The following FAM199X variants were observed in gnomAD, a reference collection of about 807,000 sequenced individuals.
FAM199X encodes family with sequence similarity 199, X-linked.
Under a neutral mutation model 22.9 loss-of-function variants are expected in FAM199X, and 4 were observed. That is an observed-to-expected ratio of 0.17 (90% CI 0.09 to 0.40). The LOEUF (loss-of-function observed/expected upper bound fraction) is 0.40, where lower values mean the gene tolerates loss of function less well. FAM199X is among the 10% of genes least tolerant of loss of function. FAM199X has a pLI of 1.00. For synonymous variants in FAM199X, 101 were observed against 112.3 expected, an observed-to-expected ratio of 0.90 and a Z score of 0.64; for missense variants, 183 against 306.8, an observed-to-expected ratio of 0.60 and a Z score of 3.01.
At chrX:104,176,393 G>C (rs1308414072) in intron 2 of FAM199X, among the ~76,000 whole-genome samples, 4 of 111,946 alleles carry the variant, frequency 3.6e-5, no homozygotes, top group African/African-American at 1.3e-4. Context: ...CTTATAATAA[G>C]TGCAGTTTGT....
At chrX:104,171,838 A>G (rs1292438277) in intron 1 of FAM199X, among the ~76,000 whole-genome samples, 1 of 112,219 alleles carries the variant, frequency 8.9e-6, no homozygotes, top group Non-Finnish European at 1.9e-5. Context: ...CTTTTGGACT[A>G]TTACAAATAG....
In FAM199X at chrX:104,186,259, C is replaced by G. The variant is rs376424661; in HGVS notation, c.567+44C>G. 12 of 1,166,879 alleles carry G rather than the reference C, an allele frequency of 1.0e-5. No individual in the cohort carries two copies. In the African/African-American group the frequency reaches 2.1e-4, roughly 21 times the overall value. On this transcript the variant is annotated intron_variant, in intron 3 of 5. Transcript: ENST00000493442. ...TTAATTAAAAGCTTTTATGTGGAGA[C>G]TAGGTAAAGCTCAGTTTATTGCCTG...
chrX:104,157,591 G>A, the FAM199X span, among the ~76,000 whole-genome samples: 1 of 112,174 alleles, frequency 8.9e-6, no homozygotes, highest in African/African-American at 3.2e-5. Flanking sequence ...AATTTCACAT[G>A]TGAGGAGCAC....
chrX:104,183,765 G>A (rs1028110311), intron 2 of FAM199X, among the ~76,000 whole-genome samples: 9 of 112,114 alleles, frequency 8.0e-5, no homozygotes, highest in African/African-American at 1.9e-4. Context: ...GCGCCCAGCC[G>A]TTAATGAGAT....
chrX:104,166,880 C>A lies in FAM199X; in HGVS notation c.95C>A (p.Thr32Asn). Residue 32 changes from threonine (T) to asparagine (N), a missense_variant, in exon 1 of 6, where the codon ACC becomes AAC. Thr to Asn is a moderately conservative substitution (Grantham distance 65, BLOSUM62 0). Coordinates refer to ENST00000493442, the MANE Select transcript of FAM199X (RefSeq NM_207318.4). Reference protein sequence around the residue: ...PLLGPPRGVGTCPSEEPGCLD... With the variant: ...PLLGPPRGVGNCPSEEPGCLD... ...CTGGGACCTCCTCGCGGGGTGGGCA[C>A]CTGCCCGAGCGAGGAGCCGGGCTGC... 8.3e-7 allele frequency: 1 copy of A among 1,206,013 alleles called. No homozygotes were observed.
rs368458758 is a variant in FAM199X at position 104,184,695 on chromosome X, A to G, written c.418-1371A>G. 2.7e-5 allele frequency among the ~76,000 whole-genome samples: 3 copies of G among 111,230 alleles called. No individual in the cohort carries two copies. The East Asian group carries it at 8.4e-4, about 31-fold the overall frequency. On this transcript the variant is annotated intron_variant, in intron 2 of 5. Coordinates refer to ENST00000493442, the MANE Select transcript of FAM199X (RefSeq NM_207318.4). ...CTCCTTTGTCTACACTTTGTCTTCT[A>G]TGATTTTTTTCTAATTTTTCTCTTG...
chrX:104,184,161 TAA>T (rs782664354), intron 2 of FAM199X, among the ~76,000 whole-genome samples: 1 of 112,550 alleles, frequency 8.9e-6, no homozygotes, highest in South Asian at 3.6e-4. Context: ...CTTTCCCAAG[TAA>T]AGTTTTTGTG....
chrX:104,162,421 A>G (rs1556372849), upstream of FAM199X, among the ~76,000 whole-genome samples: 2 of 112,027 alleles, frequency 1.8e-5, no homozygotes, highest in Admixed American at 1.9e-4. Context: ...ATATCACACC[A>G]TTTATTATCA....
intron 5 of FAM199X, among the ~76,000 whole-genome samples, chrX:104,188,836 A>C (rs1236811762): frequency 9.0e-6 from 1 of 110,558 alleles, no homozygotes; most frequent in Admixed American, 9.6e-5. Context: ...AAGAAGGTAT[A>C]AGTATATTTA....
chrX:104,168,810 A>C (rs782251658), intron 1 of FAM199X, among the ~76,000 whole-genome samples: 11 of 106,875 alleles, frequency 1.0e-4, no homozygotes, highest in Non-Finnish European at 2.1e-4. Context: ...GGCAGTGAGG[A>C]GGGGAGAAGG....
upstream of FAM199X, among the ~76,000 whole-genome samples, chrX:104,164,151 G>A (rs188627372): frequency 4.5e-4 from 51 of 112,667 alleles, no homozygotes; most frequent in Admixed American, 1.7e-3. Flanking sequence ...TCAGTGTAAT[G>A]TGGTATATAT....
At chrX:104,181,523 A>G (rs1165088400) in intron 2 of FAM199X, among the ~76,000 whole-genome samples, 2 of 112,113 alleles carry the variant, frequency 1.8e-5, no homozygotes, top group African/African-American at 6.5e-5. Flanking sequence ...CAATGTTTCC[A>G]TGGAAAAAAT....
chrX:104,173,116 A>G (rs1357631186), intron 1 of FAM199X, among the ~76,000 whole-genome samples: 1 of 111,133 alleles, frequency 9.0e-6, no homozygotes, highest in Non-Finnish European at 1.9e-5. Context: ...GAATACAGAC[A>G]TGCACCACCT....
upstream of FAM199X, among the ~76,000 whole-genome samples, chrX:104,165,566 ATAATAT>A (rs1273133500): frequency 2.7e-5 from 3 of 112,206 alleles, no homozygotes; most frequent in Non-Finnish European, 5.6e-5. Flanking sequence ...CTTTTATAAA[ATAATAT>A]TAGGTAGTTT....
intron 2 of FAM199X, among the ~76,000 whole-genome samples, chrX:104,180,591 C>G: frequency 9.0e-6 from 1 of 110,917 alleles, no homozygotes; most frequent in South Asian, 3.8e-4. Flanking sequence ...TCAGACCTGC[C>G]TTAGTAATGT....
chrX:104,162,140 C>T (rs1208296518), upstream of FAM199X, among the ~76,000 whole-genome samples: 2 of 111,862 alleles, frequency 1.8e-5, no homozygotes, highest in Non-Finnish European at 3.8e-5. Context: ...TACAAACTTG[C>T]TTAGTTCTGA....
intron 1 of FAM199X, among the ~76,000 whole-genome samples, chrX:104,168,924 G>A (rs1352132181): frequency 2.0e-5 from 2 of 99,392 alleles, no homozygotes; most frequent in African/African-American, 7.5e-5. Flanking sequence ...CCTACTTTTC[G>A]CAAGGCTTGG....
Position 104,186,053 on chromosome X carries a change from T to C in FAM199X, c.418-13T>C. The C allele has an allele frequency of 8.3e-7, 1 of 1,200,366 alleles. No homozygotes were observed. The highest frequency in any genetic ancestry group is 1.1e-6 in the Non-Finnish European group (1 of 891,266). ...TTGCTTTCCTTCCCCACACCCTCCT[T>C]ATTTTTATAAAGTTACCAGGCAGTG... On this transcript the variant is annotated splice_polypyrimidine_tract_variant and intron_variant, in intron 2 of 5. Coordinates refer to ENST00000493442, the MANE Select transcript of FAM199X (RefSeq NM_207318.4).
At chrX:104,183,976 G>A (rs1921730810) in intron 2 of FAM199X, among the ~76,000 whole-genome samples, 1 of 111,643 alleles carries the variant, frequency 9.0e-6, no homozygotes, top group African/African-American at 3.3e-5. Flanking sequence ...GTGGTTTCAT[G>A]TATTTCTTTG....
Sources: gnomAD v4.1 joint callset for allele counts (sites outside exome capture counted in the v4.1 genomes callset) on GRCh38, gnomAD v4.1.1 for gene constraint, MANE v1.5 for transcripts, NCBI Gene and HGNC (gene_info 2026-07-23, HGNC 2026-07-21) for gene names.